Variants in LTAP1 observed in about 807,000 individuals in gnomAD.
LTAP1 encodes the protein HCV NS5A-transactivated protein 4.
At chr1:154,212,389 A>G in the LTAP1 span, 10 of 1,614,138 alleles carry the variant, frequency 6.2e-6, no homozygotes, top group Non-Finnish European at 8.5e-6. Context: ...CTTAGGAAAG[A>G]GAAAGGAAGA....
chr1:154,220,479 A>T, the LTAP1 span: 1 of 1,575,376 alleles, frequency 6.3e-7, no homozygotes, highest in Non-Finnish European at 8.7e-7. Flanking sequence ...GGCTCCGCCG[A>T]AGCGACGGCG....
the LTAP1 span, among the ~76,000 whole-genome samples, chr1:154,214,157 A>G: frequency 2.1e-4 from 32 of 152,290 alleles, no homozygotes; most frequent in Non-Finnish European, 3.8e-4. Flanking sequence ...CATGCCTGTA[A>G]TCCCAGCTAC....
At chr1:154,208,569 T>TA in the LTAP1 span, 15 of 152,188 alleles carry the variant, frequency 9.9e-5, no homozygotes, top group East Asian at 2.7e-3. Context: ...GAGACAGGTA[T>TA]CCCCAATATA....
chr1:154,215,478 A>G, the LTAP1 span, among the ~76,000 whole-genome samples: 4 of 151,412 alleles, frequency 2.6e-5, no homozygotes, highest in African/African-American at 9.7e-5. Flanking sequence ...AGGCAGGAGA[A>G]TGGCGTGAAC....
the LTAP1 span, among the ~76,000 whole-genome samples, chr1:154,209,265 T>A: frequency 1.3e-5 from 2 of 152,016 alleles, no homozygotes; most frequent in African/African-American, 4.8e-5. Context: ...TTCTACTTTC[T>A]GTCTCTGAGT....
At chr1:154,214,162 A>T in the LTAP1 span, among the ~76,000 whole-genome samples, 1 of 152,168 alleles carries the variant, frequency 6.6e-6, no homozygotes, top group Non-Finnish European at 1.5e-5. Flanking sequence ...CTGTAATCCC[A>T]GCTACTCAGG....
At chr1:154,208,676 C>T in the LTAP1 span, among the ~76,000 whole-genome samples, 2 of 152,274 alleles carry the variant, frequency 1.3e-5, no homozygotes, top group East Asian at 3.9e-4. Flanking sequence ...GGGATTCAAA[C>T]CTAAGTTTGT....
chr1:154,208,679 A>G, the LTAP1 span, among the ~76,000 whole-genome samples: 1 of 152,178 alleles, frequency 6.6e-6, no homozygotes, highest in African/African-American at 2.4e-5. Flanking sequence ...ATTCAAACCT[A>G]AGTTTGTCAG....
chr1:154,211,687 A>T, the LTAP1 span: 1 of 152,254 alleles, frequency 6.6e-6, no homozygotes, highest in Non-Finnish European at 1.5e-5. Context: ...AGGGACGCTG[A>T]GACTCTGAAG....
chr1:154,217,423 T>A, the LTAP1 span, among the ~76,000 whole-genome samples: 1 of 152,208 alleles, frequency 6.6e-6, no homozygotes, highest in African/African-American at 2.4e-5. Flanking sequence ...CCAGGCAACA[T>A]GATGTACTCT....
the LTAP1 span, chr1:154,214,413 T>TGA: frequency 1.2e-5 from 15 of 1,274,600 alleles, no homozygotes; most frequent in African/African-American, 2.1e-4. Flanking sequence ...AATTCTGGAC[T>TGA]TGTGGGACTC....
the LTAP1 span, chr1:154,220,223 G>C: frequency 7.8e-7 from 1 of 1,274,306 alleles, no homozygotes; most frequent in Admixed American, 1.7e-5. Context: ...GGAATAAGGA[G>C]TCAAAGCCCG....
the LTAP1 span, among the ~76,000 whole-genome samples, chr1:154,212,964 C>T: frequency 5.3e-5 from 8 of 152,228 alleles, no homozygotes; most frequent in South Asian, 2.1e-4. Context: ...TGAGCCACTG[C>T]GCCTGCCCCA....
At chr1:154,209,766 TG>T in the LTAP1 span, among the ~76,000 whole-genome samples, 3 of 151,690 alleles carry the variant, frequency 2.0e-5, no homozygotes, top group African/African-American at 7.3e-5. Context: ...TTTTTTTTTT[TG>T]TATTTTTAGT....
chr1:154,219,728 A>C, the LTAP1 span: 2 of 844,522 alleles, frequency 2.4e-6, no homozygotes, highest in African/African-American at 3.4e-5. Context: ...GGACAAGTGC[A>C]CGCAAAGAAA....
the LTAP1 span, among the ~76,000 whole-genome samples, chr1:154,218,372 T>C: frequency 6.6e-6 from 1 of 152,252 alleles, no homozygotes; most frequent in African/African-American, 2.4e-5. Context: ...AATATTGCTC[T>C]GAACTAGACC....
chr1:154,216,067 G>C, the LTAP1 span, among the ~76,000 whole-genome samples: 1 of 152,060 alleles, frequency 6.6e-6, no homozygotes, highest in Non-Finnish European at 1.5e-5. Context: ...TCGATCTGCT[G>C]ACCTCATGAT....
At chr1:154,216,020 G>A in the LTAP1 span, among the ~76,000 whole-genome samples, 4 of 151,814 alleles carry the variant, frequency 2.6e-5, no homozygotes, top group Admixed American at 2.6e-4. Context: ...TGTATTTTTA[G>A]TAGAGACGGG....
the LTAP1 span, among the ~76,000 whole-genome samples, chr1:154,217,163 G>T: frequency 6.7e-6 from 1 of 150,112 alleles, no homozygotes; most frequent in Non-Finnish European, 1.5e-5. Flanking sequence ...TGGCCAGGCT[G>T]GTCTTGAACT....
Sources: allele counts gnomAD v4.1 joint callset (sites outside exome capture counted in the v4.1 genomes callset), GRCh38; gene constraint gnomAD v4.1.1; transcripts MANE v1.5; gene names NCBI Gene and HGNC (gene_info 2026-07-23, HGNC 2026-07-21).